Variants in INPP4B observed in about 807,000 individuals in gnomAD.
The protein encoded by INPP4B is inositol polyphosphate 4-phosphatase type II.
A neutral mutation model predicts 122.5 loss-of-function variants in INPP4B; 55 were observed. The ratio of observed to expected loss-of-function variants is 0.45; its 90% CI spans 0.36 to 0.56. The LOEUF is 0.56. Among genes scored for constraint, INPP4B ranks in the 20% least tolerant of loss-of-function variants. The pLI is 0.00. For missense variants in INPP4B, 1,000 were observed against 1,097.7 expected, an observed-to-expected ratio of 0.91 and a Z score of 1.26; for synonymous variants, 403 against 388.7, an observed-to-expected ratio of 1.04 and a Z score of -0.43.
At chr4:142,771,984 A>G (rs1204795050) in intron 1 of INPP4B, among the ~76,000 whole-genome samples, 1 of 152,148 alleles carries the variant, frequency 6.6e-6, no homozygotes, top group Non-Finnish European at 1.5e-5. Context: ...CAGTGTTGTA[A>G]ATGGACTTTT....
chr4:142,403,248 C>T (rs544726600), intron 6 of INPP4B, among the ~76,000 whole-genome samples, 194 bp from the exon 7 acceptor site: 4 of 152,216 alleles, frequency 2.6e-5, no homozygotes, highest in Non-Finnish European at 5.9e-5. Context: ...GGAAGTGATA[C>T]AACTGCTGAT....
intron 18 of INPP4B, among the ~76,000 whole-genome samples, chr4:142,136,320 C>T (rs755591883): frequency 5.9e-4 from 90 of 152,126 alleles, no homozygotes; most frequent in African/African-American, 2.1e-3. Context: ...CTCCAAGGCC[C>T]GGGTACAGGC....
chr4:142,637,936 C>T (rs1749531853), intron 2 of INPP4B, among the ~76,000 whole-genome samples: 1 of 152,118 alleles, frequency 6.6e-6, no homozygotes, highest in South Asian at 2.1e-4. Flanking sequence ...TTTTGCAGTT[C>T]TCTAATGACA....
At chr4:142,219,244 A>T (rs973389062) in intron 12 of INPP4B, among the ~76,000 whole-genome samples, 7 of 152,206 alleles carry the variant, frequency 4.6e-5, no homozygotes, top group Non-Finnish European at 8.8e-5. Context: ...CAGTTATTAC[A>T]GGATTTAGTT....
chr4:142,611,637 C>CTTTTTTTTTTTTTTTTT (rs34482115), intron 2 of INPP4B, among the ~76,000 whole-genome samples: 2 of 65,234 alleles, frequency 3.1e-5, no homozygotes, highest in Non-Finnish European at 5.3e-5. Context: ...TTTCTTTTTT[C>CTTTTTTTTTTTTTTTTT]TTTTTTTTTT....
intron 5 of INPP4B, among the ~76,000 whole-genome samples, chr4:142,406,953 C>T (rs1000959464): frequency 6.6e-6 from 1 of 152,084 alleles, no homozygotes. Context: ...CTTGGCATGC[C>T]GACCTGCCCT....
At chr4:142,479,268 C>T (rs953349469) in intron 2 of INPP4B, among the ~76,000 whole-genome samples, 1 of 152,096 alleles carries the variant, frequency 6.6e-6, no homozygotes, top group Non-Finnish European at 1.5e-5. Flanking sequence ...CAAAGAGACA[C>T]CATCTCACAT....
intron 18 of INPP4B, among the ~76,000 whole-genome samples, chr4:142,128,852 T>C (rs1390215640): frequency 6.6e-6 from 1 of 152,170 alleles, no homozygotes; most frequent in Non-Finnish European, 1.5e-5. Context: ...ATCACTCTTA[T>C]GTTACTCAGG....
At chr4:142,185,951 G>T (rs917174457) in intron 15 of INPP4B, among the ~76,000 whole-genome samples, 2 of 148,360 alleles carry the variant, frequency 1.3e-5, no homozygotes, top group Admixed American at 6.7e-5. Context: ...AATTTATCTA[G>T]AAGAAACACC....
intron 2 of INPP4B, among the ~76,000 whole-genome samples, chr4:142,525,011 C>A (rs1320911272): frequency 6.6e-6 from 1 of 151,834 alleles, no homozygotes; most frequent in Non-Finnish European, 1.5e-5. Flanking sequence ...CCCAAAATCT[C>A]CTTAAGCTGA....
intron 1 of INPP4B, among the ~76,000 whole-genome samples, chr4:142,738,192 A>G (rs1316774105): frequency 6.6e-6 from 1 of 152,242 alleles, no homozygotes; most frequent in African/African-American, 2.4e-5. Flanking sequence ...CACAGTAGCA[A>G]AGACTTGGAA....
intron 2 of INPP4B, among the ~76,000 whole-genome samples, chr4:142,601,876 G>T (rs1157214780): frequency 6.7e-6 from 1 of 149,476 alleles, no homozygotes; most frequent in Non-Finnish European, 1.5e-5. Context: ...GGCTGAGGCA[G>T]GAGAATGGCG....
chr4:142,777,872 G>T lies in INPP4B; in HGVS notation c.-253-51971C>A, dbSNP rs919620269. Among the ~76,000 whole-genome samples the T allele has an allele frequency of 3.9e-5, 6 of 152,240 alleles. No homozygotes were observed. The South Asian group carries it at 6.2e-4, about 16-fold the overall frequency. Reference sequence around the variant, plus strand: ...TTTAGAGATTATCTATGGAAAGAGTGGCACAGCCTACCAGCAGGATTGGCT... The same window carrying T: ...TTTAGAGATTATCTATGGAAAGAGTTGCACAGCCTACCAGCAGGATTGGCT... On this transcript the variant is annotated intron_variant, in intron 1 of 25. Coordinates refer to ENST00000262992, the MANE Select transcript of INPP4B (RefSeq NM_001101669.3).
chr4:142,280,329 T>C (rs1292732225), intron 9 of INPP4B, among the ~76,000 whole-genome samples: 4 of 152,016 alleles, frequency 2.6e-5, no homozygotes, highest in African/African-American at 4.8e-5. Flanking sequence ...ACAAACTTTG[T>C]TGTATCCACA....
rs1000353259 is a variant in INPP4B, at chr4:142,081,746, C to T, written c.2642+285G>A. 1.1e-4 allele frequency among the ~76,000 whole-genome samples: 17 copies of T among 151,820 alleles called. 1 individual carries two copies. The South Asian group carries it at 3.3e-3, about 30-fold the overall frequency. ...AATGAGCTAATAAAATATATAATAT[C>T]ATATATAATAATGCATGTCATCAAA... On this transcript the variant is annotated intron_variant, in intron 25 of 25. Transcript: ENST00000262992.
At chr4:142,567,090 A>T (rs1313314164) in intron 2 of INPP4B, among the ~76,000 whole-genome samples, 1 of 152,178 alleles carries the variant, frequency 6.6e-6, no homozygotes, top group African/African-American at 2.4e-5. Context: ...TTAGATGGGA[A>T]AGACATTGGT....
chr4:142,234,917 AAGAGAAG>A (rs148314561), intron 12 of INPP4B, among the ~76,000 whole-genome samples: 21,219 of 152,076 alleles, frequency 0.14, 1,776 homozygotes, highest in African/African-American at 0.23. Flanking sequence ...GAAAGCCATA[AAGAGAAG>A]AGAGAAGAGG....
At chr4:142,494,065 ACTT>A (rs752292851) in intron 2 of INPP4B, among the ~76,000 whole-genome samples, 3 of 152,156 alleles carry the variant, frequency 2.0e-5, no homozygotes, top group African/African-American at 7.2e-5. Flanking sequence ...TTTGCTCAGA[ACTT>A]CTTCTTACTG....
chr4:142,742,926 G>A (rs547962126), intron 1 of INPP4B, among the ~76,000 whole-genome samples: 10 of 151,986 alleles, frequency 6.6e-5, no homozygotes, highest in South Asian at 2.1e-4. Flanking sequence ...CGAGAGAGAC[G>A]AATTAACTTT....
Sources: allele counts gnomAD v4.1 joint callset (sites outside exome capture counted in the v4.1 genomes callset), GRCh38; gene constraint gnomAD v4.1.1; transcripts MANE v1.5; gene names NCBI Gene and HGNC (gene_info 2026-07-23, HGNC 2026-07-21).